NFE2L3: variants seen among roughly 807,000 people sequenced by gnomAD.
The protein encoded by NFE2L3 is NFE2 like bZIP transcription factor 3.
In NFE2L3, 18 loss-of-function variants were observed where a neutral mutation model predicts 23.5. The ratio of observed to expected loss-of-function variants is 0.77; its 90% CI spans 0.53 to 1.13. The LOEUF (loss-of-function observed/expected upper bound fraction) is 1.13. NFE2L3 is among the 50% of genes most tolerant of loss of function. The probability of loss-of-function intolerance (pLI) is 0.00; values close to 1 mark genes in which losing one functional copy is unlikely to be tolerated. For missense variants in NFE2L3, 1,152 were observed against 877.2 expected, an observed-to-expected ratio of 1.31 and a Z score of -3.96; for synonymous variants, 424 against 354.5, an observed-to-expected ratio of 1.20 and a Z score of -2.20.
At chr7:26,177,522 G>A (rs1037295413) in intron 1 of NFE2L3, among the ~76,000 whole-genome samples, 4 of 152,204 alleles carry the variant, frequency 2.6e-5, no homozygotes, top group African/African-American at 4.8e-5. Flanking sequence ...ACGGGAGCCC[G>A]AGGCAGGGAG....
chr7:26,159,939 A>C (rs1380047276), intron 1 of NFE2L3, among the ~76,000 whole-genome samples: 1 of 150,110 alleles, frequency 6.7e-6, no homozygotes, highest in Non-Finnish European at 1.5e-5. Flanking sequence ...TTATTCTTAA[A>C]ATCTTGTTGC....
chr7:26,152,654 G>T lies in NFE2L3; in HGVS notation c.156G>T (p.Pro52=). The stretch of plus-strand genomic sequence containing the variant: ...ACGAGCTGCTGTTCCTGGGCGGCCC[G>T]GCCAGCTCCGCCTACGCGCTCAGCC... ...LQDELLFLGG[P]ASSAYALSPF... is the part of the protein sequence containing the mutation. Residue 52 remains proline (P), a synonymous_variant, in exon 1 of 4, where the codon CCG becomes CCT. Transcript: ENST00000056233. The surrounding 1 kb of genome is among the most constrained non-coding windows in gnomAD (Gnocchi z 4.4). 2.0e-6 allele frequency: 3 copies of T among 1,501,068 alleles called. No homozygotes were observed. In the South Asian group the frequency reaches 3.7e-5, roughly 19 times the overall value. 93.0% of individuals were successfully genotyped at this position (1,501,068 alleles called of 1,614,324 possible). A position where few individuals can be genotyped will look rare whatever the true frequency, so the allele number is the denominator to read the frequency against.
At chr7:26,172,281 T>C in intron 1 of NFE2L3, among the ~76,000 whole-genome samples, 1 of 152,256 alleles carries the variant, frequency 6.6e-6, no homozygotes, top group South Asian at 2.1e-4. Flanking sequence ...TAGCTAAATA[T>C]AATTTCAAAC....
intron 2 of NFE2L3, among the ~76,000 whole-genome samples, chr7:26,180,965 C>A (rs999394987): frequency 6.8e-6 from 1 of 146,146 alleles, no homozygotes; most frequent in Admixed American, 6.8e-5. Context: ...GTACTTAACA[C>A]TTTTTTTTTT....
intron 1 of NFE2L3, among the ~76,000 whole-genome samples, chr7:26,171,612 G>T (rs539323542): frequency 1.3e-4 from 19 of 151,416 alleles, no homozygotes; most frequent in African/African-American, 4.4e-4. Context: ...TATACCATTC[G>T]GATATTATCT....
At chr7:26,158,300 AG>A (rs1172012476) in intron 1 of NFE2L3, among the ~76,000 whole-genome samples, 2 of 152,144 alleles carry the variant, frequency 1.3e-5, no homozygotes, top group Non-Finnish European at 2.9e-5. Flanking sequence ...TCATTGGATA[AG>A]GGTCTACCTT....
intron 1 of NFE2L3, among the ~76,000 whole-genome samples, chr7:26,169,267 G>T (rs772278514): frequency 3.3e-5 from 5 of 152,236 alleles, no homozygotes; most frequent in Admixed American, 6.5e-5. Context: ...TGCCTTTAGT[G>T]TGAAGGAGGT....
chr7:26,167,641 C>A (rs557982716), intron 1 of NFE2L3, among the ~76,000 whole-genome samples: 3 of 152,166 alleles, frequency 2.0e-5, no homozygotes, highest in African/African-American at 7.2e-5. Context: ...AGAGCATGAA[C>A]TATAAACCTC....
In NFE2L3 at chr7:26,185,218, C is replaced by T; in HGVS notation, c.1520C>T (p.Pro507Leu). The T allele has an allele frequency of 3.7e-6, 6 of 1,613,902 alleles. 1 individual carries two copies. In the African/African-American group the frequency reaches 4.0e-5, roughly 11 times the overall value. Residue 507 changes from proline (P) to leucine (L), a missense_variant, in exon 4 of 4, where the codon CCA becomes CTA. Coordinates refer to ENST00000056233, the MANE Select transcript of NFE2L3 (RefSeq NM_004289.7). ...NHTYHLQPTA[P>L]ESTSEPFPWP... The stretch of plus-strand genomic sequence containing the variant: ...ACTTACCACTTACAGCCAACTGCAC[C>T]AGAATCTACTTCTGAACCTTTTCCG...
chr7:26,158,514 G>C (rs1403429311), intron 1 of NFE2L3, among the ~76,000 whole-genome samples: 1 of 152,162 alleles, frequency 6.6e-6, no homozygotes, highest in Non-Finnish European at 1.5e-5. Context: ...TCTATATGGA[G>C]GATCATTTGC....
chr7:26,178,234 C>G, intron 2 of NFE2L3, 112 bp downstream of exon 2: 1 of 813,964 alleles, frequency 1.2e-6, no homozygotes, highest in Non-Finnish European at 1.9e-6. Flanking sequence ...CTACTATTAA[C>G]AAATATGATA....
intron 1 of NFE2L3, among the ~76,000 whole-genome samples, chr7:26,162,497 A>G (rs1022747060): frequency 6.6e-6 from 1 of 152,140 alleles, no homozygotes; most frequent in Non-Finnish European, 1.5e-5. Flanking sequence ...GGAAAAATAC[A>G]AAAAACATCA....
chr7:26,160,259 A>G (rs928893738), intron 1 of NFE2L3, among the ~76,000 whole-genome samples: 7 of 152,120 alleles, frequency 4.6e-5, no homozygotes, highest in African/African-American at 7.2e-5. Context: ...ACCCGGCTGG[A>G]TCTATGTTAA....
At chr7:26,182,238 T>G (rs1336215157) in intron 2 of NFE2L3, among the ~76,000 whole-genome samples, 1 of 151,992 alleles carries the variant, frequency 6.6e-6, no homozygotes, top group South Asian at 2.1e-4. Flanking sequence ...AACTTACCAG[T>G]AGTAATAAAT....
chr7:26,166,849 A>T (rs1784258966), intron 1 of NFE2L3, among the ~76,000 whole-genome samples: 1 of 152,186 alleles, frequency 6.6e-6, no homozygotes, highest in South Asian at 2.1e-4. Flanking sequence ...TCCTTCTCAT[A>T]GGCACCACAC....
At chr7:26,170,800 C>A (rs1784320371) in intron 1 of NFE2L3, among the ~76,000 whole-genome samples, 1 of 152,190 alleles carries the variant, frequency 6.6e-6, no homozygotes, top group African/African-American at 2.4e-5. Context: ...TCTTGGCCTG[C>A]ATGACTCAGT....
intron 2 of NFE2L3, among the ~76,000 whole-genome samples, chr7:26,178,429 G>A (rs1264461327): frequency 6.6e-6 from 1 of 152,142 alleles, no homozygotes; most frequent in Non-Finnish European, 1.5e-5. Flanking sequence ...AAGAAATGGG[G>A]AACCTAGGAG....
chr7:26,183,335 G>C, intron 2 of NFE2L3, among the ~76,000 whole-genome samples: 2 of 152,038 alleles, frequency 1.3e-5, no homozygotes, highest in African/African-American at 2.4e-5. Context: ...ATCACTTGCG[G>C]TCAAAAGTTC....
chr7:26,182,756 G>C (rs1562678458), intron 2 of NFE2L3, among the ~76,000 whole-genome samples: 2 of 151,984 alleles, frequency 1.3e-5, no homozygotes, highest in African/African-American at 2.4e-5. Flanking sequence ...TCGATAAATT[G>C]GTTTTAAAAA....
Sources: allele counts gnomAD v4.1 joint callset (sites outside exome capture counted in the v4.1 genomes callset), GRCh38; gene constraint gnomAD v4.1.1; non-coding constraint Gnocchi (gnomAD v3.1); transcripts MANE v1.5; gene names NCBI Gene and HGNC (gene_info 2026-07-23, HGNC 2026-07-21).